DAPK1: variants seen among roughly 807,000 people sequenced by gnomAD.
The protein encoded by DAPK1 is death associated protein kinase 1.
In DAPK1, 56 loss-of-function variants were observed where a neutral mutation model predicts 144.9. The ratio of observed to expected loss-of-function variants is 0.39; its 90% CI spans 0.31 to 0.48. The LOEUF is 0.48. DAPK1 is among the 20% of genes least tolerant of loss of function. The pLI, the probability that DAPK1 is intolerant of heterozygous loss-of-function variation, is 0.95. For synonymous variants in DAPK1, 690 were observed against 749.0 expected (o/e 0.92, Z 1.29); for missense variants, 1,454 against 1,875.4 (o/e 0.78, Z 4.15).
At chr9:87,532,630 A>G (rs1825735046) in intron 2 of DAPK1, among the ~76,000 whole-genome samples, 1 of 152,184 alleles carries the variant, frequency 6.6e-6, no homozygotes, top group African/African-American at 2.4e-5. Context: ...AAAACTGAAA[A>G]TGCTAGACAA....
intron 2 of DAPK1, among the ~76,000 whole-genome samples, chr9:87,556,148 G>GAC (rs1241388985): frequency 6.6e-6 from 1 of 152,168 alleles, no homozygotes; most frequent in Admixed American, 6.5e-5. Context: ...AAAATAGAAG[G>GAC]ACATTTTGGG....
intron 18 of DAPK1, among the ~76,000 whole-genome samples, chr9:87,666,915 G>A (rs78147976): frequency 0.013 from 1,917 of 152,216 alleles, 38 homozygotes; most frequent in African/African-American, 0.042. Flanking sequence ...CAGACGTGTC[G>A]GGGGCAGGAA....
Position 87,640,790 on chromosome 9 carries a change from C to T in DAPK1, c.783-12C>T, listed in dbSNP as rs765786291. 6.2e-7 allele frequency: 1 copy of T among 1,614,024 alleles called. No individual in the cohort carries two copies. Among genetic ancestry groups the T allele is most frequent in the South Asian group, 1.1e-5 (1 of 91,066 alleles). On this transcript the variant is annotated splice_polypyrimidine_tract_variant and intron_variant, in intron 8 of 25. Coordinates refer to ENST00000408954, the MANE Select transcript of DAPK1 (RefSeq NM_004938.4). ...GTCACAGCATTTTTTTTCTTCTCCC[C>T]CTCCCCTCAAGGAAGAGAATGACAA...
Position 87,706,035 on chromosome 9 carries a change from C to A in DAPK1, c.3061-97C>A. The stretch of plus-strand genomic sequence containing the variant: ...TCACTCCTTAGAGCATCTGCTCAGC[C>A]TCTGTTGCCGGCATCAGGCCCTTTA... On this transcript the variant is annotated intron_variant, in intron 25 of 25. Coordinates refer to ENST00000408954, the MANE Select transcript of DAPK1 (RefSeq NM_004938.4). The surrounding 1 kb of genome is among the most constrained non-coding windows in gnomAD (Gnocchi z 9.0). The A allele has an allele frequency of 2.3e-6, 2 of 857,990 alleles. No individual in the cohort carries two copies. Among genetic ancestry groups the A allele is most frequent in the Non-Finnish European group, 3.7e-6 (2 of 533,500 alleles). 53.1% of individuals were successfully genotyped at this position (857,990 alleles called of 1,614,324 possible).
chr9:87,517,482 A>G (rs1317914097), intron 2 of DAPK1, among the ~76,000 whole-genome samples: 2 of 151,952 alleles, frequency 1.3e-5, no homozygotes, highest in Non-Finnish European at 2.9e-5. Flanking sequence ...CTAGATTGTG[A>G]GCCCGTAAAG....
At chr9:87,687,171 C>G (rs1168749384) in intron 21 of DAPK1, among the ~76,000 whole-genome samples, 2 of 152,126 alleles carry the variant, frequency 1.3e-5, no homozygotes, top group Admixed American at 1.3e-4. Flanking sequence ...TTGAAAAATA[C>G]AACGCATTGT....
chr9:87,700,269 T>TTTG, intron 24 of DAPK1, 32 bp downstream of exon 24: 1 of 1,587,650 alleles, frequency 6.3e-7, no homozygotes, highest in Non-Finnish European at 8.6e-7. Context: ...CCTGGACCCC[T>TTTG]TTGTACTTCC....
At chr9:87,680,127 C>T (rs1006232677) in intron 19 of DAPK1, among the ~76,000 whole-genome samples, 2 of 151,568 alleles carry the variant, frequency 1.3e-5, no homozygotes, top group East Asian at 1.9e-4. Flanking sequence ...TCTTTTGAGA[C>T]GGAGTCTCAC....
At chr9:87,522,778 C>T (rs757654220) in intron 2 of DAPK1, among the ~76,000 whole-genome samples, 2 of 152,206 alleles carry the variant, frequency 1.3e-5, no homozygotes, top group South Asian at 2.1e-4. Context: ...TGGCTTCTTT[C>T]GCTGTCTCAC....
intron 9 of DAPK1, among the ~76,000 whole-genome samples, chr9:87,641,614 C>CT (rs1375258657): frequency 6.6e-6 from 1 of 152,186 alleles, no homozygotes; most frequent in Non-Finnish European, 1.5e-5. Context: ...TTGCTGACCT[C>CT]TGAGATCCCT....
intron 2 of DAPK1, among the ~76,000 whole-genome samples, chr9:87,576,483 A>G (rs2118794128): frequency 6.6e-6 from 1 of 152,266 alleles, no homozygotes; most frequent in Non-Finnish European, 1.5e-5. Flanking sequence ...GGTGAGCCTT[A>G]GTTGCATTTT....
chr9:87,590,369 C>CAAAAAAAAAAAAAAAAAAAAAAAAAA (rs200588801), intron 2 of DAPK1, among the ~76,000 whole-genome samples: 2 of 85,718 alleles, frequency 2.3e-5, no homozygotes, highest in African/African-American at 7.9e-5. Flanking sequence ...TCATTGGCCT[C>CAAAAAAAAAAAAAAAAAAAAAAAAAA]AAAAAAAAAA....
intron 18 of DAPK1, among the ~76,000 whole-genome samples, chr9:87,663,029 C>T (rs548797294): frequency 1.3e-5 from 2 of 152,054 alleles, no homozygotes; most frequent in African/African-American, 4.8e-5. Flanking sequence ...GAAGCAATTC[C>T]ATCCTCCTCT....
At chr9:87,689,110 T>A (rs955943340) in intron 21 of DAPK1, among the ~76,000 whole-genome samples, 4 of 152,166 alleles carry the variant, frequency 2.6e-5, no homozygotes, top group African/African-American at 9.7e-5. Context: ...ATTTTTTTTT[T>A]ATATGGTGAA....
At chr9:87,651,776 G>A (rs771934496) in intron 17 of DAPK1, 52 bp downstream of exon 17, 37 of 1,514,190 alleles carry the variant, frequency 2.4e-5, no homozygotes, top group South Asian at 1.0e-4. Flanking sequence ...CCATCCACCC[G>A]ATTCTGGGTC....
intron 2 of DAPK1, among the ~76,000 whole-genome samples, chr9:87,528,425 C>T (rs1825589360): frequency 6.6e-6 from 1 of 152,012 alleles, no homozygotes; most frequent in African/African-American, 2.4e-5. Context: ...GCCACGTTGG[C>T]CAGGCTGGTC....
intron 12 of DAPK1, 100 bp downstream of exon 12, chr9:87,646,114 C>A: frequency 7.2e-7 from 1 of 1,382,788 alleles, no homozygotes; most frequent in Non-Finnish European, 9.9e-7. Flanking sequence ...TTCTCCCTTC[C>A]AATTGGAAGC....
At chr9:87,629,210 A>G (rs1829581700) in intron 3 of DAPK1, among the ~76,000 whole-genome samples, 1 of 152,302 alleles carries the variant, frequency 6.6e-6, no homozygotes, top group South Asian at 2.1e-4. Flanking sequence ...GGGAGTGTGG[A>G]TGCAGACACA....
At chr9:87,684,964 C>T (rs1039740236) in intron 20 of DAPK1, among the ~76,000 whole-genome samples, 2 of 152,216 alleles carry the variant, frequency 1.3e-5, no homozygotes, top group African/African-American at 4.8e-5. Flanking sequence ...GGGCCACATG[C>T]CACTAAAAGA....
Sources: allele counts gnomAD v4.1 joint callset (sites outside exome capture counted in the v4.1 genomes callset), GRCh38; gene constraint gnomAD v4.1.1; non-coding constraint Gnocchi (gnomAD v3.1); transcripts MANE v1.5; gene names NCBI Gene and HGNC (gene_info 2026-07-23, HGNC 2026-07-21).